Variants in KDM5A observed in about 807,000 individuals in gnomAD.
KDM5A encodes the protein lysine demethylase 5A, also known as lysine-specific demethylase 5A.
Under a neutral mutation model 193.5 loss-of-function variants are expected in KDM5A, and 42 were observed. The ratio of observed to expected loss-of-function variants is 0.22; its 90% confidence interval spans 0.17 to 0.28. The LOEUF is 0.28. Among genes scored for constraint, KDM5A ranks in the 10% least tolerant of loss-of-function variants. The pLI is 1.00. For missense variants in KDM5A, 1,692 were observed against 2,055.1 expected (o/e 0.82, Z 3.42); for synonymous variants, 796 against 718.1 (o/e 1.11, Z -1.73).
chr12:352,641 A>G (rs715228), intron 8 of KDM5A, among the ~76,000 whole-genome samples: 106,554 of 152,080 alleles, frequency 0.7, 37,556 homozygotes, highest in Middle Eastern at 0.78. Flanking sequence ...GATGCCTAAC[A>G]TTCTTGGCAT....
chr12:383,168 A>G (rs1008301664), intron 3 of KDM5A, among the ~76,000 whole-genome samples: 5 of 152,074 alleles, frequency 3.3e-5, no homozygotes, highest in African/African-American at 1.2e-4. Flanking sequence ...AATATATACC[A>G]CACATAAGAA....
intron 3 of KDM5A, among the ~76,000 whole-genome samples, chr12:379,784 A>G (rs758290475): frequency 1.6e-4 from 24 of 152,334 alleles, no homozygotes; most frequent in East Asian, 1.2e-3. Flanking sequence ...CATATTTTCA[A>G]TAAGTTTTCT....
At chr12:316,997 T>C (rs1278742185) in intron 19 of KDM5A, among the ~76,000 whole-genome samples, 1 of 152,180 alleles carries the variant, frequency 6.6e-6, no homozygotes, top group South Asian at 2.1e-4. Context: ...ATCCTCACAA[T>C]AGAAATTATA....
At chr12:350,827 T>C in intron 9 of KDM5A, 48 bp from the exon 10 acceptor site, 4 of 1,494,384 alleles carry the variant, frequency 2.7e-6, no homozygotes, top group Non-Finnish European at 3.7e-6. Flanking sequence ...ACTATAACTA[T>C]AACCCATATA....
chr12:387,248 C>A, intron 1 of KDM5A: 1 of 362,882 alleles, frequency 2.8e-6, no homozygotes, highest in Non-Finnish European at 5.3e-6. Context: ...AAAGTCTTAC[C>A]TTGGAAACTG....
In KDM5A at chr12:307,193, C is replaced by A; in HGVS notation, c.3931-104G>T. 2.2e-6 allele frequency: 3 copies of A among 1,347,812 alleles called. No individual in the cohort carries two copies. The highest frequency in any genetic ancestry group is 1.2e-5 in the South Asian group (1 of 83,842). The allele number at this position is 1,347,812 out of a possible 1,614,324, so 83.5% of individuals were successfully genotyped here. A position where few individuals can be genotyped will look rare whatever the true frequency, so the allele number is the denominator to read the frequency against. On this transcript the variant is annotated intron_variant, in intron 23 of 27. Transcript: ENST00000399788. This position sits in a 1 kb window ranked among gnomAD's most constrained non-coding sequence, Gnocchi z 4.3. ...AAAATGTAATGAATAAGCAAAGTGG[C>A]TAACAGAGTTCTTCAACAGTTAGTA...
intron 1 of KDM5A, among the ~76,000 whole-genome samples, 174 bp from the exon 2 acceptor site, chr12:386,148 C>T (rs1004292194): frequency 1.4e-4 from 21 of 152,130 alleles, no homozygotes; most frequent in Admixed American, 1.3e-3. Flanking sequence ...AATTTTAATA[C>T]AGGTTGAGTA....
At chr12:362,248 G>A (rs1415153336) in intron 5 of KDM5A, among the ~76,000 whole-genome samples, 1 of 151,140 alleles carries the variant, frequency 6.6e-6, no homozygotes, top group Non-Finnish European at 1.5e-5. Flanking sequence ...AGACCACAGA[G>A]AAAAGGAAAC....
chr12:385,633 A>C (rs1203791544), intron 2 of KDM5A, among the ~76,000 whole-genome samples: 1 of 152,210 alleles, frequency 6.6e-6, no homozygotes, highest in Non-Finnish European at 1.5e-5. Context: ...TAGTAGAGTA[A>C]GAAACACTAG....
Position 355,084 on chromosome 12 carries a change from T to TA in KDM5A, c.870+73dup, listed in dbSNP as rs1318582472. 3.4e-6 allele frequency: 3 copies of TA among 874,328 alleles called. No individual in the cohort carries two copies. In the African/African-American group the frequency reaches 5.0e-5, roughly 14 times the overall value. 54.2% of individuals were successfully genotyped at this position (874,328 alleles called of 1,614,324 possible). ...CGAGCTAACTAAACACATACCATGA[T>TA]ATATCAGGATAGAAAGTGCAAAACT... On this transcript the variant is annotated intron_variant, in intron 7 of 27. Transcript: ENST00000399788.
intron 19 of KDM5A, 55 bp from the exon 20 acceptor site, chr12:313,249 C>A: frequency 1.9e-6 from 3 of 1,590,360 alleles, no homozygotes; most frequent in Non-Finnish European, 2.6e-6. Context: ...ATTTAAGTAA[C>A]ATTTCAGAAT....
At chr12:329,142 C>T (rs1417868858) in intron 13 of KDM5A, 113 bp from the exon 14 acceptor site, 1 of 848,524 alleles carries the variant, frequency 1.2e-6, no homozygotes, top group South Asian at 1.4e-5. Flanking sequence ...AATACCAAAT[C>T]CATTTAAATA....
At chr12:327,220 A>G (rs754534973) in intron 14 of KDM5A, among the ~76,000 whole-genome samples, 3 of 152,212 alleles carry the variant, frequency 2.0e-5, no homozygotes, top group Non-Finnish European at 4.4e-5. Flanking sequence ...GAGATGGGAC[A>G]TTCAAATTAT....
intron 10 of KDM5A, among the ~76,000 whole-genome samples, chr12:336,528 T>C (rs1943935713): frequency 6.6e-6 from 1 of 152,062 alleles, no homozygotes; most frequent in South Asian, 2.1e-4. Flanking sequence ...TTGTGATTGG[T>C]TGGTCAGCTG....
Position 357,827 on chromosome 12 carries a change from C to CAA in KDM5A, c.673-1292_673-1291dup, listed in dbSNP as rs61577928. On this transcript the variant is annotated intron_variant, in intron 5 of 27. Transcript: ENST00000399788. ...TGGGCGACAGAGCAAGACTCAGTCT[C>CAA]AAAAAAAAAAAAAAAAAAAAAAAAA... 3.6e-3 allele frequency among the ~76,000 whole-genome samples: 109 copies of CAA among 29,866 alleles called. 17 individuals carry two copies. Among genetic ancestry groups the CAA allele is most frequent in the African/African-American group, 0.017 (86 of 4,980 alleles). The allele number at this position is 29,866 out of a possible 152,430, so 19.6% of individuals were successfully genotyped here.
intron 3 of KDM5A, among the ~76,000 whole-genome samples, chr12:381,670 C>T (rs556024990): frequency 6.6e-6 from 1 of 152,134 alleles, no homozygotes; most frequent in Non-Finnish European, 1.5e-5. Context: ...TGCTTACTTA[C>T]TAACATCATT....
At chr12:332,609 A>G (rs528925836) in intron 12 of KDM5A, among the ~76,000 whole-genome samples, 62 of 152,324 alleles carry the variant, frequency 4.1e-4, no homozygotes, top group African/African-American at 1.4e-3. Flanking sequence ...GAAAAGTGAA[A>G]AAGGTATTTG....
intron 13 of KDM5A, 178 bp from the exon 14 acceptor site, chr12:329,207 A>C: frequency 8.0e-6 from 5 of 621,372 alleles, no homozygotes; most frequent in South Asian, 7.7e-5. Flanking sequence ...ACCCAGCCAG[A>C]GTTTCAAAGG....
At chr12:355,345 C>T in intron 6 of KDM5A, 96 bp from the exon 7 acceptor site, 1 of 764,684 alleles carries the variant, frequency 1.3e-6, no homozygotes, top group South Asian at 1.4e-5. Flanking sequence ...TAGTTAAAAT[C>T]TTACAACTGT....
Sources: allele counts gnomAD v4.1 joint callset (sites outside exome capture counted in the v4.1 genomes callset), GRCh38; gene constraint gnomAD v4.1.1; non-coding constraint Gnocchi (gnomAD v3.1); transcripts MANE v1.5; gene names NCBI Gene and HGNC (gene_info 2026-07-23, HGNC 2026-07-21).